The following EFL1 variants were observed in gnomAD, a reference collection of about 807,000 sequenced individuals.
EFL1 encodes the protein elongation factor-like GTPase 1.
EFL1 carries 76 observed loss-of-function variants against 126.7 expected under a neutral mutation model. That is an observed-to-expected ratio of 0.60 (90% confidence interval 0.50 to 0.73). The LOEUF is 0.73. Ranked by LOEUF, EFL1 falls within the 30% of genes least tolerant of loss-of-function variation. EFL1 has a pLI of 0.00. For missense variants in EFL1, 1,128 were observed against 1,343.2 expected, an observed-to-expected ratio of 0.84 and a Z score of 2.50; for synonymous variants, 410 against 448.4, an observed-to-expected ratio of 0.91 and a Z score of 1.08.
intron 14 of EFL1, among the ~76,000 whole-genome samples, chr15:82,217,373 G>GAAAAAAAAAAAAAAAAAAAAAA: frequency 1.8e-4 from 5 of 27,152 alleles, no homozygotes; most frequent in African/African-American, 2.9e-4. Flanking sequence ...GATTAGATTT[G>GAAAAAAAAAAAAAAAAAAAAAA]AAAAAAAAAA....
chr15:82,193,151 T>C (rs2074376681), intron 15 of EFL1, among the ~76,000 whole-genome samples: 1 of 152,226 alleles, frequency 6.6e-6, no homozygotes, highest in Non-Finnish European at 1.5e-5. Context: ...TTTGTATTTT[T>C]TAAAAATGAA....
At chr15:82,187,227 C>T (rs2074313410) in intron 15 of EFL1, among the ~76,000 whole-genome samples, 2 of 152,132 alleles carry the variant, frequency 1.3e-5, no homozygotes, top group Admixed American at 6.5e-5. Context: ...TGACATATGC[C>T]TGGAGCTTCA....
chr15:82,204,109 A>ACATTT (rs1048712402), intron 15 of EFL1, among the ~76,000 whole-genome samples: 2 of 152,216 alleles, frequency 1.3e-5, no homozygotes, highest in African/African-American at 4.8e-5. Context: ...TTATGAAAGG[A>ACATTT]CATTTCACCG....
chr15:82,138,407 T>TA (rs374665763), intron 19 of EFL1, among the ~76,000 whole-genome samples: 7 of 147,728 alleles, frequency 4.7e-5, no homozygotes, highest in African/African-American at 1.3e-4. Flanking sequence ...AAAGGACAAA[T>TA]GAGAGAGAGA....
intron 18 of EFL1, among the ~76,000 whole-genome samples, chr15:82,143,240 A>G (rs2073808226): frequency 6.6e-6 from 1 of 152,238 alleles, no homozygotes; most frequent in South Asian, 2.1e-4. Flanking sequence ...GAAAATTATG[A>G]ATTCTAAGTA....
At chr15:82,258,974 G>T (rs1596015263) in intron 3 of EFL1, 114 bp downstream of exon 3, 1 of 940,384 alleles carries the variant, frequency 1.1e-6, no homozygotes, top group Non-Finnish European at 1.6e-6. Context: ...GCTTTTAGAC[G>T]CAAGAATTAT....
intron 15 of EFL1, among the ~76,000 whole-genome samples, chr15:82,194,478 A>G (rs2074389544): frequency 6.6e-6 from 1 of 152,228 alleles, no homozygotes. Context: ...GCAGCTACTA[A>G]TAGAAATAAA....
chr15:82,262,002 G>A (rs1204565313), intron 1 of EFL1: 23 of 457,918 alleles, frequency 5.0e-5, no homozygotes, highest in Non-Finnish European at 8.5e-5. Flanking sequence ...TACACTTAAG[G>A]AGTTTGCTCA....
At chr15:82,190,846 GATAC>G (rs1435531018) in intron 15 of EFL1, among the ~76,000 whole-genome samples, 1 of 151,978 alleles carries the variant, frequency 6.6e-6, no homozygotes, top group East Asian at 1.9e-4. Context: ...TATATATACA[GATAC>G]ATACGTATGT....
chr15:82,163,832 T>C, intron 16 of EFL1, 21 bp downstream of exon 16: 1 of 1,612,298 alleles, frequency 6.2e-7, no homozygotes, highest in Non-Finnish European at 8.5e-7. Flanking sequence ...ACATATGCTT[T>C]TAAAAATAAG....
chr15:82,163,089 T>A (rs1006852224), intron 16 of EFL1, among the ~76,000 whole-genome samples: 3 of 152,210 alleles, frequency 2.0e-5, no homozygotes, highest in African/African-American at 7.2e-5. Flanking sequence ...TATATGTGAA[T>A]GTCAGGTGGC....
At chr15:82,193,948 G>A (rs1274517691) in intron 15 of EFL1, among the ~76,000 whole-genome samples, 1 of 152,202 alleles carries the variant, frequency 6.6e-6, no homozygotes, top group Non-Finnish European at 1.5e-5. Context: ...AACACGGTGA[G>A]CAGCCACAGT....
At chr15:82,186,385 C>CTT (rs2074304065) in intron 15 of EFL1, among the ~76,000 whole-genome samples, 1 of 152,174 alleles carries the variant, frequency 6.6e-6, no homozygotes, top group Non-Finnish European at 1.5e-5. Context: ...TTGTCTGGCT[C>CTT]TTTAGTAAAG....
At chr15:82,168,261 C>A (rs545860462) in intron 15 of EFL1, among the ~76,000 whole-genome samples, 1 of 152,168 alleles carries the variant, frequency 6.6e-6, no homozygotes, top group Non-Finnish European at 1.5e-5. Flanking sequence ...GGAATCCACA[C>A]GCTTTATAAC....
At chr15:82,172,881 T>C (rs977997850) in intron 15 of EFL1, among the ~76,000 whole-genome samples, 1 of 152,246 alleles carries the variant, frequency 6.6e-6, no homozygotes, top group African/African-American at 2.4e-5. Context: ...TTCACTTTTA[T>C]TTATCCCTTA....
intron 15 of EFL1, among the ~76,000 whole-genome samples, chr15:82,208,558 T>C (rs560077490): frequency 9.4e-4 from 143 of 152,300 alleles, no homozygotes; most frequent in Non-Finnish European, 1.9e-3. Flanking sequence ...TTTTAACTTA[T>C]AATGCAAGAA....
Position 82,229,034 on chromosome 15 carries a change from T to C in EFL1, c.932A>G (p.Lys311Arg). The C allele has an allele frequency of 1.2e-6, 2 of 1,608,774 alleles. No individual in the cohort carries two copies. Among genetic ancestry groups the C allele is most frequent in the Non-Finnish European group, 1.7e-6 (2 of 1,178,188 alleles). The change falls in exon 9 of 20, where the codon AAG becomes AGG. Residue 311 changes from lysine (K) to arginine (R), a missense_variant and splice_region_variant. Transcript: ENST00000268206. ...IWSLYDAVLK[K>R]DKDKIDKIVT... ...TAAAGGTAAACAATAAGAGTCTTAC[T>C]TTTTCAAAACAGCATCATACAAACT...
chr15:82,196,986 T>C (rs921476775), intron 15 of EFL1, among the ~76,000 whole-genome samples: 2 of 151,170 alleles, frequency 1.3e-5, no homozygotes, highest in African/African-American at 4.9e-5. Context: ...GAGCCGAGAT[T>C]GCACCATTGC....
intron 15 of EFL1, among the ~76,000 whole-genome samples, chr15:82,178,974 TA>T (rs1271753815): frequency 6.6e-6 from 1 of 151,420 alleles, no homozygotes; most frequent in Admixed American, 6.6e-5. Context: ...TCAAAACAAA[TA>T]AAAAATAAAA....
Sources: gnomAD v4.1 joint callset for allele counts (sites outside exome capture counted in the v4.1 genomes callset) on GRCh38, gnomAD v4.1.1 for gene constraint, MANE v1.5 for transcripts, NCBI Gene and HGNC (gene_info 2026-07-23, HGNC 2026-07-21) for gene names.